The following SYCP2 variants were observed in gnomAD, a reference collection of about 807,000 sequenced individuals.
SYCP2 encodes synaptonemal complex lateral element protein.
Under a neutral mutation model 211.3 loss-of-function variants are expected in SYCP2, and 55 were observed. That is an observed-to-expected ratio of 0.26 (90% confidence interval 0.21 to 0.33). SYCP2 has a LOEUF of 0.33. Ranked by LOEUF, SYCP2 falls within the 10% of genes least tolerant of loss-of-function variation. The pLI, the probability that SYCP2 is intolerant of heterozygous loss-of-function variation, is 1.00. For synonymous variants in SYCP2, 570 were observed against 555.2 expected, an observed-to-expected ratio of 1.03 and a Z score of -0.37; for missense variants, 1,731 against 1,752.0, an observed-to-expected ratio of 0.99 and a Z score of 0.21.
intron 2 of SYCP2, among the ~76,000 whole-genome samples, chr20:59,930,698 G>A (rs1266196922): frequency 1.3e-5 from 2 of 151,982 alleles, no homozygotes; most frequent in African/African-American, 4.8e-5. Flanking sequence ...CACTAAAATA[G>A]TGAATAAATG....
In SYCP2 at chr20:59,868,915, A is replaced by T; in HGVS notation, c.3752T>A (p.Leu1251Ter). The change falls in exon 37 of 45, where the codon TTA becomes TAA. Residue 1251 changes from leucine to a stop codon, truncating the protein, a stop_gained. Coordinates refer to ENST00000357552, the MANE Select transcript of SYCP2 (RefSeq NM_014258.4). LOFTEE classifies it high-confidence loss of function. ...ACTAGACTTGGATAATGAAGATGCT[A>T]AATGACTTTCCTAAAATACGTATTA... ...YIQSKREESH[L>*]ASSLSKSSEG... 1 of 1,606,074 alleles carries T rather than the reference A, an allele frequency of 6.2e-7. No individual in the cohort carries two copies. The highest frequency in any genetic ancestry group is 8.5e-7 in the Non-Finnish European group (1 of 1,176,128).
intron 35 of SYCP2, among the ~76,000 whole-genome samples, chr20:59,872,116 T>C (rs572892111): frequency 6.6e-6 from 1 of 152,140 alleles, no homozygotes; most frequent in East Asian, 1.9e-4. Flanking sequence ...AGCATAGTTC[T>C]ACTTTTATCT....
At chr20:59,914,409 TCTC>T (rs2060392675) in intron 10 of SYCP2, among the ~76,000 whole-genome samples, 158 bp from the exon 11 acceptor site, 1 of 152,026 alleles carries the variant, frequency 6.6e-6, no homozygotes, top group Non-Finnish European at 1.5e-5. Context: ...ATTAGAAATA[TCTC>T]ATCATTTGAG....
chr20:59,864,272 A>G lies in SYCP2; in HGVS notation c.*39T>C. On this transcript the variant is annotated 3_prime_UTR_variant, in exon 45 of 45. Transcript: ENST00000357552. ...CTTATTTCCTCAGTTATATACAGAG[A>G]ATAATAATTAGATAAAGTATGGTGA... is the stretch of plus-strand genomic sequence containing the variant. 7.4e-7 allele frequency: 1 copy of G among 1,359,576 alleles called. No individual in the cohort carries two copies. Among genetic ancestry groups the G allele is most frequent in the Non-Finnish European group, 1.0e-6 (1 of 970,186 alleles). The allele number at this position is 1,359,576 out of a possible 1,614,324, so 84.2% of individuals were successfully genotyped here.
chr20:59,895,352 G>T, intron 20 of SYCP2, 85 bp downstream of exon 20: 1 of 1,129,414 alleles, frequency 8.9e-7, no homozygotes, highest in Non-Finnish European at 1.2e-6. Flanking sequence ...TGAGACACTT[G>T]CAGCTTGCAA....
At chr20:59,887,002 GAT>G (rs200061097) in intron 24 of SYCP2, among the ~76,000 whole-genome samples, 168 bp from the exon 25 acceptor site, 2,950 of 149,792 alleles carry the variant, frequency 0.02, 42 homozygotes, top group Middle Eastern at 0.041. Flanking sequence ...ATTAAAATAA[GAT>G]AATTTTTTTT....
chr20:59,864,402 A>G lies in SYCP2; in HGVS notation c.4516-14T>C, dbSNP rs1461166715. The stretch of plus-strand genomic sequence containing the variant: ...CTCCTCTTCTAGCTATAGCCAAGAA[A>G]AAAAAAATCACACTTAGATTTCACA... On this transcript the variant is annotated splice_polypyrimidine_tract_variant and intron_variant, in intron 44 of 44. Coordinates refer to ENST00000357552, the MANE Select transcript of SYCP2 (RefSeq NM_014258.4). The G allele has an allele frequency of 2.6e-6, 4 of 1,556,894 alleles. No homozygotes were observed. The highest frequency in any genetic ancestry group is 2.6e-6 in the Non-Finnish European group (3 of 1,149,058).
At chr20:59,919,421 A>C (rs911316021) in intron 6 of SYCP2, 72 bp downstream of exon 6, 2 of 1,160,538 alleles carry the variant, frequency 1.7e-6, no homozygotes, top group Admixed American at 1.9e-5. Flanking sequence ...GGCTCAGGGC[A>C]CAGAGAACAC....
At chr20:59,896,713 A>T (rs2060015642) in intron 18 of SYCP2, among the ~76,000 whole-genome samples, 185 bp from the exon 19 acceptor site, 1 of 152,168 alleles carries the variant, frequency 6.6e-6, no homozygotes, top group South Asian at 2.1e-4. Context: ...CATGTTTGGT[A>T]TTAAATAAGT....
chr20:59,895,210 G>A (rs948968855), intron 20 of SYCP2, among the ~76,000 whole-genome samples: 1 of 151,980 alleles, frequency 6.6e-6, no homozygotes, highest in Non-Finnish European at 1.5e-5. Flanking sequence ...TCCCAAATGT[G>A]TAAATCAAGT....
At chr20:59,917,857 A>G (rs1338756946) in intron 7 of SYCP2, among the ~76,000 whole-genome samples, 1 of 152,190 alleles carries the variant, frequency 6.6e-6, no homozygotes, top group East Asian at 1.9e-4. Flanking sequence ...CCATTAGATC[A>G]AAGGTTGGCA....
At chr20:59,933,378 C>G (rs1466818315) in intron 1 of SYCP2, 191 bp downstream of exon 1, 1 of 152,280 alleles carries the variant, frequency 6.6e-6, no homozygotes, top group Non-Finnish European at 1.5e-5. Flanking sequence ...ACGCCCTGGC[C>G]CAGCCTCGGC....
intron 42 of SYCP2, 52 bp downstream of exon 42, chr20:59,865,755 A>C (rs2059319795): frequency 9.0e-7 from 1 of 1,116,036 alleles, no homozygotes. Flanking sequence ...GAAATTTATT[A>C]ATTTAAAAAT....
At chr20:59,891,528 G>A (rs1206063467) in intron 24 of SYCP2, among the ~76,000 whole-genome samples, 1 of 151,846 alleles carries the variant, frequency 6.6e-6, no homozygotes, top group East Asian at 1.9e-4. Context: ...CCTTGTCAAG[G>A]TTAAATGCAT....
chr20:59,913,143 A>G (rs1462337188), intron 12 of SYCP2, among the ~76,000 whole-genome samples: 1 of 152,230 alleles, frequency 6.6e-6, no homozygotes, highest in Non-Finnish European at 1.5e-5. Flanking sequence ...TACATTAAAA[A>G]TGGTTAAATT....
chr20:59,927,554 C>T (rs1021125187), intron 2 of SYCP2, among the ~76,000 whole-genome samples: 5 of 151,862 alleles, frequency 3.3e-5, no homozygotes, highest in African/African-American at 1.2e-4. Context: ...AAGAGAATAC[C>T]CAAAAGAAGG....
rs375884449 is a variant in SYCP2 at position 59,886,251 on chromosome 20, G to A, written c.2493-287C>T. On this transcript the variant is annotated intron_variant, in intron 25 of 44. Coordinates refer to ENST00000357552, the MANE Select transcript of SYCP2 (RefSeq NM_014258.4). ...GACCTATAGTAAGGCCAGAATTAACGTAAACTTGAATTAACCACCTAATAG... is the reference window on the plus strand; with the variant it reads ...GACCTATAGTAAGGCCAGAATTAACATAAACTTGAATTAACCACCTAATAG... 5.6e-4 allele frequency among the ~76,000 whole-genome samples: 85 copies of A among 152,018 alleles called. 1 individual carries two copies. In the South Asian group the frequency reaches 0.017, roughly 30 times the overall value.
chr20:59,880,764 TA>T (rs909603917), intron 30 of SYCP2, among the ~76,000 whole-genome samples: 35 of 151,866 alleles, frequency 2.3e-4, no homozygotes, highest in South Asian at 6.2e-4. Flanking sequence ...GTATACATAT[TA>T]AAAAAACTAA....
At chr20:59,866,635 ACT>A (rs762640721) in intron 39 of SYCP2, 46 bp from the exon 40 acceptor site, 1 of 1,311,432 alleles carries the variant, frequency 7.6e-7, no homozygotes, top group Non-Finnish European at 1.1e-6. Flanking sequence ...ACAAAATAAC[ACT>A]CTAACCAAGA....
Sources: allele counts gnomAD v4.1 joint callset (sites outside exome capture counted in the v4.1 genomes callset), GRCh38; gene constraint gnomAD v4.1.1; transcripts MANE v1.5; gene names NCBI Gene and HGNC (gene_info 2026-07-23, HGNC 2026-07-21).